The following PARP12 variants were observed in gnomAD, a reference collection of about 807,000 sequenced individuals.
PARP12 encodes poly(ADP-ribose) polymerase family member 12.
A neutral mutation model predicts 72.4 loss-of-function variants in PARP12; 59 were observed. The ratio of observed to expected loss-of-function variants is 0.81; its 90% confidence interval spans 0.66 to 1.01. The LOEUF (loss-of-function observed/expected upper bound fraction) is 1.01. Among genes scored for constraint, PARP12 ranks in the 50% least tolerant of loss-of-function variants. PARP12 has a pLI of 0.00. For missense variants in PARP12, 851 were observed against 914.0 expected (o/e 0.93, Z 0.89); for synonymous variants, 403 against 371.4 (o/e 1.09, Z -0.98).
chr7:140,032,359 A>G (rs1375085810), intron 8 of PARP12, among the ~76,000 whole-genome samples: 2 of 151,954 alleles, frequency 1.3e-5, no homozygotes, highest in African/African-American at 4.8e-5. Flanking sequence ...TAAAAAAAAA[A>G]AGAGACAGGG....
intron 4 of PARP12, among the ~76,000 whole-genome samples, chr7:140,052,796 A>G (rs1040037296): frequency 2.6e-5 from 4 of 151,044 alleles, no homozygotes; most frequent in African/African-American, 9.7e-5. Context: ...AAATAGGCAA[A>G]AGATTTGAGT....
chr7:140,053,042 G>A (rs914574087), intron 4 of PARP12, among the ~76,000 whole-genome samples: 1 of 152,064 alleles, frequency 6.6e-6, no homozygotes, highest in Non-Finnish European at 1.5e-5. Context: ...AGACAGTTTG[G>A]CAGTTTCTTA....
chr7:140,059,283 C>T (rs2116676615), intron 1 of PARP12, among the ~76,000 whole-genome samples: 1 of 152,052 alleles, frequency 6.6e-6, no homozygotes, highest in Middle Eastern at 3.4e-3. Flanking sequence ...AGTCGGTAAG[C>T]AGTTAGCCAC....
At position 140,033,416 on chromosome 7, in the gene PARP12, C is replaced by T. The variant is rs903102238; in HGVS notation, c.1421+819G>A. 20 of 985,290 alleles carry T rather than the reference C, an allele frequency of 2.0e-5. No homozygotes were observed. In the East Asian group the frequency reaches 5.7e-4, roughly 28 times the overall value. The allele number at this position is 985,290 out of a possible 1,614,324, so 61.0% of individuals were successfully genotyped here. A position where few individuals can be genotyped will look rare whatever the true frequency, so the allele number is the denominator to read the frequency against. Reference sequence around the variant, plus strand: ...ATAGACACAAGCCAGACCTCTCAGGCGAACAGAAGGTGCAGCCAGCTACCA... The same window carrying T: ...ATAGACACAAGCCAGACCTCTCAGGTGAACAGAAGGTGCAGCCAGCTACCA... On this transcript the variant is annotated intron_variant, in intron 8 of 11. Coordinates refer to ENST00000263549, the MANE Select transcript of PARP12 (RefSeq NM_022750.4).
At chr7:140,047,365 G>A (rs907759797) in intron 4 of PARP12, among the ~76,000 whole-genome samples, 4 of 152,140 alleles carry the variant, frequency 2.6e-5, no homozygotes, top group African/African-American at 9.7e-5. Context: ...TTTATAAGAG[G>A]AAGCGAGACC....
Position 140,024,478 on chromosome 7 carries a change from T to C in PARP12, c.*82A>G. On this transcript the variant is annotated 3_prime_UTR_variant, in exon 12 of 12. Coordinates refer to ENST00000263549, the MANE Select transcript of PARP12 (RefSeq NM_022750.4). Reference sequence around the variant, plus strand: ...TGTTAAGAGAACAGTTCATTAAAAGTTTCTGTTTAAAAAGAAAAGGAAAGG... The same window carrying C: ...TGTTAAGAGAACAGTTCATTAAAAGCTTCTGTTTAAAAAGAAAAGGAAAGG... 7.3e-7 allele frequency: 1 copy of C among 1,363,560 alleles called. No homozygotes were observed. The allele number at this position is 1,363,560 out of a possible 1,614,324, so 84.5% of individuals were successfully genotyped here. A position where few individuals can be genotyped will look rare whatever the true frequency, so the allele number is the denominator to read the frequency against.
At position 140,035,955 on chromosome 7, in the gene PARP12, AGG is replaced by A. The variant is rs1569526879; in HGVS notation, c.1325-1626_1325-1625del. ...GAGGAGGAGGAGGAGGAGGAGGACG[AGG>A]AGGAGGAGGAGGACGAGGAGGAGGA... On this transcript the variant is annotated intron_variant, in intron 7 of 11. Transcript: ENST00000263549. Among the ~76,000 whole-genome samples the A allele has an allele frequency of 9.9e-5, 8 of 80,614 alleles. 1 individual carries two copies. Among genetic ancestry groups the A allele is most frequent in the African/African-American group, 5.3e-4 (5 of 9,512 alleles). 52.9% of individuals were successfully genotyped at this position (80,614 alleles called of 152,430 possible).
chr7:140,025,099 A>G (rs913642968), intron 11 of PARP12: 75 of 574,522 alleles, frequency 1.3e-4, no homozygotes, highest in Non-Finnish European at 2.2e-4. Context: ...GCATCTGAGG[A>G]GTTACCAAAC....
In PARP12 at chr7:140,054,728, T is replaced by C. The variant is rs944775286; in HGVS notation, c.796A>G (p.Thr266Ala). 3 of 1,613,744 alleles carry C rather than the reference T, an allele frequency of 1.9e-6. No homozygotes were observed. The highest frequency in any genetic ancestry group is 4.5e-5 in the East Asian group (2 of 44,876). Residue 266 changes from threonine to alanine, a missense_variant, in exon 4 of 12, where the codon ACT (threonine) becomes GCT (alanine). Transcript: ENST00000263549. Reference sequence around the variant, plus strand: ...TGATCACCCTCCTCCTGGCTAAGAGTGTTTGGGGACACAGAACCTGAACTG... The same window carrying C: ...TGATCACCCTCCTCCTGGCTAAGAGCGTTTGGGGACACAGAACCTGAACTG... ...KDSSGSVSPN[T>A]LSQEEGDQIC...
chr7:140,039,124 T>C (rs1816346848), intron 6 of PARP12, among the ~76,000 whole-genome samples: 1 of 152,234 alleles, frequency 6.6e-6, no homozygotes, highest in Non-Finnish European at 1.5e-5. Flanking sequence ...GTTTACGGTC[T>C]CATAGCGGCG....
intron 1 of PARP12, among the ~76,000 whole-genome samples, chr7:140,060,084 T>C (rs1193196662): frequency 6.6e-6 from 1 of 152,238 alleles, no homozygotes; most frequent in Non-Finnish European, 1.5e-5. Flanking sequence ...ATATCGGGGA[T>C]TGCCAAAATG....
Position 140,049,303 on chromosome 7 carries a change from A to G in PARP12, c.863-2296T>C, listed in dbSNP as rs373019316. Among the ~76,000 whole-genome samples, 3 of 152,328 alleles carry G rather than the reference A, an allele frequency of 2.0e-5. No individual in the cohort carries two copies. The East Asian group carries it at 5.8e-4, about 29-fold the overall frequency. On this transcript the variant is annotated intron_variant, in intron 4 of 11. Coordinates refer to ENST00000263549, the MANE Select transcript of PARP12 (RefSeq NM_022750.4). ...CACACCAGGGACTGAAGATCTCCTA[A>G]CTTGTCCAGTTTGAACATGGACAGC...
chr7:140,028,545 G>C, intron 9 of PARP12, 68 bp downstream of exon 9: 1 of 1,358,804 alleles, frequency 7.4e-7, no homozygotes, highest in South Asian at 1.4e-5. Flanking sequence ...GAATGGCACA[G>C]TCTGTTCACA....
At chr7:140,042,791 G>C (rs1816541220) in intron 5 of PARP12, among the ~76,000 whole-genome samples, 1 of 152,206 alleles carries the variant, frequency 6.6e-6, no homozygotes, top group African/African-American at 2.4e-5. Context: ...AGAAGTTTTA[G>C]ACTGATTCAC....
rs546991246 is a variant in PARP12 at position 140,050,634 on chromosome 7, C to T, written c.863-3627G>A. ...ATTCAAAGAGAGGCAGCAACTCACACAGAAACAGCGATACCTAAGGACAGA... is the reference window on the plus strand; with the variant it reads ...ATTCAAAGAGAGGCAGCAACTCACATAGAAACAGCGATACCTAAGGACAGA... On this transcript the variant is annotated intron_variant, in intron 4 of 11. Coordinates refer to ENST00000263549, the MANE Select transcript of PARP12 (RefSeq NM_022750.4). Among the ~76,000 whole-genome samples the T allele has an allele frequency of 2.0e-5, 3 of 152,264 alleles. No individual in the cohort carries two copies. The East Asian group carries it at 5.8e-4, about 29-fold the overall frequency.
At chr7:140,037,646 C>T (rs1816262246) in intron 7 of PARP12, 69 bp downstream of exon 7, 1 of 1,583,942 alleles carries the variant, frequency 6.3e-7, no homozygotes, top group Admixed American at 1.7e-5. Flanking sequence ...ACGGCTCCTC[C>T]AGGGTTAAGG....
intron 5 of PARP12, among the ~76,000 whole-genome samples, chr7:140,042,866 C>G (rs1816545799): frequency 1.3e-5 from 2 of 152,168 alleles, no homozygotes; most frequent in African/African-American, 4.8e-5. Flanking sequence ...AAACACACAT[C>G]CCCTCTGGAG....
At chr7:140,035,971 C>CGAGGAGGAGGAGGAG (rs1164850035) in intron 7 of PARP12, among the ~76,000 whole-genome samples, 2 of 20,226 alleles carry the variant, frequency 9.9e-5, no homozygotes, top group Non-Finnish European at 1.6e-4. Context: ...AGGAGGAGGA[C>CGAGGAGGAGGAGGAG]GAGGAGGAGG....
At chr7:140,026,444 A>C in intron 10 of PARP12, 96 bp from the exon 11 acceptor site, 1 of 1,513,790 alleles carries the variant, frequency 6.6e-7, no homozygotes, top group Non-Finnish European at 8.8e-7. Context: ...CAAAATTCCA[A>C]AAGTGTCCTG....
Sources: allele counts gnomAD v4.1 joint callset (sites outside exome capture counted in the v4.1 genomes callset), GRCh38; gene constraint gnomAD v4.1.1; transcripts MANE v1.5; gene names NCBI Gene and HGNC (gene_info 2026-07-23, HGNC 2026-07-21).